The following RARS2 variants were observed in gnomAD, a reference collection of about 807,000 sequenced individuals.
RARS2 encodes the protein probable arginine--tRNA ligase, mitochondrial.
In RARS2, 67 loss-of-function variants were observed where a neutral mutation model predicts 88.5. That is an observed-to-expected ratio of 0.76 (90% CI 0.62 to 0.93). The LOEUF is 0.93. Ranked by LOEUF, RARS2 falls within the 40% of genes least tolerant of loss-of-function variation. RARS2 has a pLI of 0.00. For missense variants in RARS2, 664 were observed against 684.2 expected (o/e 0.97, Z 0.33); for synonymous variants, 239 against 230.3 (o/e 1.04, Z -0.34).
intron 4 of RARS2, among the ~76,000 whole-genome samples, chr6:87,561,791 CG>C (rs1167904903): frequency 6.6e-6 from 1 of 152,180 alleles, no homozygotes; most frequent in South Asian, 2.1e-4. Flanking sequence ...GGCTGCAATA[CG>C]GAAGAATTCC....
chr6:87,516,619 G>T (rs1187920263), intron 18 of RARS2, among the ~76,000 whole-genome samples, 187 bp downstream of exon 18: 1 of 152,174 alleles, frequency 6.6e-6, no homozygotes, highest in Non-Finnish European at 1.5e-5. Context: ...AGTCTACAGT[G>T]ACAGTACCTT....
rs1771127855 is a variant in RARS2 at position 87,515,106 on chromosome 6, C to T, written c.1587-86G>A. The T allele has an allele frequency of 4.3e-5, 45 of 1,041,150 alleles. No individual in the cohort carries two copies. The South Asian group carries it at 4.7e-4, about 11-fold the overall frequency. 64.5% of individuals were successfully genotyped at this position (1,041,150 alleles called of 1,614,324 possible). On this transcript the variant is annotated intron_variant, in intron 18 of 19. Transcript: ENST00000369536. ...AGCTTGATATCTAATCTTACTCCTT[C>T]AACTTAATAAAGCCCAGAACCATTA...
chr6:87,519,204 G>GTGTGTGTGTA (rs1772941286), intron 14 of RARS2: 1 of 271,986 alleles, frequency 3.7e-6, no homozygotes, highest in African/African-American at 2.5e-5. Flanking sequence ...GTGTGTGTGT[G>GTGTGTGTGTA]TGTGTATATA....
At chr6:87,545,092 G>C (rs949188600) in intron 7 of RARS2, among the ~76,000 whole-genome samples, 2 of 152,182 alleles carry the variant, frequency 1.3e-5, no homozygotes, top group Admixed American at 1.3e-4. Context: ...GCCTACATCA[G>C]GTCTTACTCT....
chr6:87,580,834 T>C (rs1385582059), intron 1 of RARS2, among the ~76,000 whole-genome samples: 1 of 152,046 alleles, frequency 6.6e-6, no homozygotes, highest in African/African-American at 2.4e-5. Context: ...AATTCACAAC[T>C]GCCAGATCTC....
chr6:87,589,940 G>A lies in RARS2; in HGVS notation c.18C>T (p.Arg6=). Residue 6 remains arginine (R), a synonymous_variant, in exon 1 of 20, where the codon CGC becomes CGT. Transcript: ENST00000369536. The part of the protein sequence containing the change: MACGF[R]RAIACQLSRV... The stretch of plus-strand genomic sequence containing the variant: ...TCCATACCTGGCAAGCAATAGCGCG[G>A]CGAAAGCCGCACGCCATGTCCACCT... 9 of 1,614,120 alleles carry A rather than the reference G, an allele frequency of 5.6e-6. No individual in the cohort carries two copies. The highest frequency in any genetic ancestry group is 7.6e-6 in the Non-Finnish European group (9 of 1,180,028).
chr6:87,587,960 A>T (rs1418206321), intron 1 of RARS2, among the ~76,000 whole-genome samples: 1 of 152,010 alleles, frequency 6.6e-6, no homozygotes, highest in African/African-American at 2.4e-5. Flanking sequence ...CTTTATAGAG[A>T]TGGGGGTCTC....
intron 19 of RARS2, 124 bp downstream of exon 19, chr6:87,514,833 G>A: frequency 1.2e-6 from 1 of 810,290 alleles, no homozygotes; most frequent in Non-Finnish European, 2.2e-6. Flanking sequence ...CTAATTATTA[G>A]CTAAGGAAGT....
rs938024890 is a variant in RARS2 at position 87,545,488 on chromosome 6, A to G, written c.535+128T>C. The G allele has an allele frequency of 5.5e-3, 5,888 of 1,063,782 alleles. 7 individuals are homozygous for G. The highest frequency in any genetic ancestry group is 0.011 in the African/African-American group (638 of 59,608). 65.9% of individuals were successfully genotyped at this position (1,063,782 alleles called of 1,614,324 possible). On this transcript the variant is annotated intron_variant, in intron 7 of 19. Transcript: ENST00000369536. ...TTTATGCAAAAGAGCCATTAGGGAA[A>G]AAAAAAAAAAAATAGGTAGGACATA... is the stretch of plus-strand genomic sequence containing the variant.
At chr6:87,525,864 T>G (rs1657479504) in intron 10 of RARS2, among the ~76,000 whole-genome samples, 1 of 151,972 alleles carries the variant, frequency 6.6e-6, no homozygotes, top group Admixed American at 6.6e-5. Flanking sequence ...GTAGCATTTC[T>G]ATACACAACA....
chr6:87,518,278 T>G lies in RARS2; in HGVS notation c.1416-14A>C. ...GTCTCTTCCAAACTTATCAAAAGTTTAAAGTTAAAAACATCAAAAGATTAA... is the reference window on the plus strand; with the variant it reads ...GTCTCTTCCAAACTTATCAAAAGTTGAAAGTTAAAAACATCAAAAGATTAA... On this transcript the variant is annotated splice_polypyrimidine_tract_variant and intron_variant, in intron 16 of 19. Transcript: ENST00000369536. The G allele has an allele frequency of 5.0e-6, 8 of 1,614,062 alleles. No homozygotes were observed. The highest frequency in any genetic ancestry group is 6.8e-6 in the Non-Finnish European group (8 of 1,179,996).
intron 6 of RARS2, among the ~76,000 whole-genome samples, chr6:87,546,267 G>A (rs762015757): frequency 1.3e-4 from 20 of 152,106 alleles, no homozygotes; most frequent in Admixed American, 1.1e-3. Context: ...ATCTACTGCC[G>A]AGGCTGAAAA....
chr6:87,538,791 T>C lies in RARS2; in HGVS notation c.612+3127A>G, dbSNP rs910144710. On this transcript the variant is annotated intron_variant, in intron 8 of 19. Coordinates refer to ENST00000369536, the MANE Select transcript of RARS2 (RefSeq NM_020320.5). ...GCTCACACCTATAATCCCAGCACTT[T>C]GGGAGTTTGAGGCAGGAGGACTGTT... 2.0e-5 allele frequency among the ~76,000 whole-genome samples: 3 copies of C among 151,912 alleles called. No homozygotes were observed. The East Asian group carries it at 5.8e-4, about 29-fold the overall frequency.
rs1777217257 is a variant in RARS2, at chr6:87,530,710, C to G, written c.771+74G>C. The G allele has an allele frequency of 2.5e-5, 39 of 1,553,928 alleles. No homozygotes were observed. The South Asian group carries it at 4.2e-4, about 17-fold the overall frequency. On this transcript the variant is annotated intron_variant, in intron 9 of 19. Coordinates refer to ENST00000369536, the MANE Select transcript of RARS2 (RefSeq NM_020320.5). ...ATTTTTAAAACACAAGCTTAACACG[C>G]AACTTTACTATGCAGGTAACAGCCG... is the stretch of plus-strand genomic sequence containing the variant.
At chr6:87,575,254 CACACACACACACACACACACACA>C (rs1771074423) in intron 1 of RARS2, among the ~76,000 whole-genome samples, 1 of 150,310 alleles carries the variant, frequency 6.7e-6, no homozygotes, top group Admixed American at 6.6e-5. Context: ...CACACACACA[CACACACACACACACACACACACA>C]CCTTGGCTTC....
chr6:87,518,257 C>A lies in RARS2; in HGVS notation c.1423G>T (p.Glu475Ter), dbSNP rs886041639. 1 of 1,614,138 alleles carries A rather than the reference C, an allele frequency of 6.2e-7. No homozygotes were observed. The highest frequency in any genetic ancestry group is 8.5e-7 in the Non-Finnish European group (1 of 1,180,010). ...TTCAGGTACCCACATCCAAAAGTCT[C>A]TTCCAAACTTATCAAAAGTTTAAAG... ...YTHARLHSLEETFGCGYLNDF... is the reference protein window; with the variant it reads ...YTHARLHSLE Residue 475 changes from glutamate (E) to a stop codon, truncating the protein, a stop_gained, in exon 17 of 20, where the codon GAG (glutamate) becomes TAG (stop). Coordinates refer to ENST00000369536, the MANE Select transcript of RARS2 (RefSeq NM_020320.5). LOFTEE classifies it high-confidence loss of function.
Position 87,576,381 on chromosome 6 carries a change from A to T in RARS2, c.37-6791T>A, listed in dbSNP as rs1456439260. 3.1e-5 allele frequency among the ~76,000 whole-genome samples: 3 copies of T among 98,292 alleles called. 1 individual carries two copies. Among genetic ancestry groups the T allele is most frequent in the Non-Finnish European group, 6.0e-5 (3 of 50,122 alleles). 64.5% of individuals were successfully genotyped at this position (98,292 alleles called of 152,430 possible). On this transcript the variant is annotated intron_variant, in intron 1 of 19. Coordinates refer to ENST00000369536, the MANE Select transcript of RARS2 (RefSeq NM_020320.5). ...AAGCTCCGCCTCCCGGGTTCACGCC[A>T]TTCTCCTGCCTCAGCCTCCCGAGTA...
intron 8 of RARS2, among the ~76,000 whole-genome samples, chr6:87,538,657 G>C (rs1298838880): frequency 6.6e-6 from 1 of 152,128 alleles, no homozygotes; most frequent in Admixed American, 6.6e-5. Flanking sequence ...AATACTTTGG[G>C]AGGCTGAGGT....
In RARS2 at chr6:87,562,722, T is replaced by C. The variant is rs1388454474; in HGVS notation, c.277A>G (p.Asn93Asp). The change falls in exon 4 of 20, where the codon AAC becomes GAC. Residue 93 changes from asparagine (N) to aspartate (D), a missense_variant. By Grantham distance (23) the Asn-to-Asp change is conservative. Coordinates refer to ENST00000369536, the MANE Select transcript of RARS2 (RefSeq NM_020320.5). ...CTTACCTTTGTTAAGAGCTCTCTGT[T>C]TATTTTGAAATTTACAGTCCTTTGA... ...TGQRTVNFKI[N>D]RELLTKTVLQ... The C allele has an allele frequency of 6.2e-7, 1 of 1,611,972 alleles. No individual in the cohort carries two copies. Among genetic ancestry groups the C allele is most frequent in the Non-Finnish European group, 8.5e-7 (1 of 1,178,140 alleles).
Sources: gnomAD v4.1 joint callset for allele counts (sites outside exome capture counted in the v4.1 genomes callset) on GRCh38, gnomAD v4.1.1 for gene constraint, MANE v1.5 for transcripts, NCBI Gene and HGNC (gene_info 2026-07-23, HGNC 2026-07-21) for gene names.